XKR6: variants seen among roughly 807,000 people sequenced by gnomAD.
XKR6 encodes XK-related protein 6.
Under a neutral mutation model 56.7 loss-of-function variants are expected in XKR6, and 22 were observed. The observed-to-expected ratio is 0.39, with a 90% CI of 0.28 to 0.55. The LOEUF is 0.55. Ranked by LOEUF, XKR6 falls within the 20% of genes least tolerant of loss-of-function variation. The probability of loss-of-function intolerance (pLI) is 0.66; values close to 1 mark genes in which losing one functional copy is unlikely to be tolerated. For missense variants in XKR6, 852 were observed against 889.0 expected (o/e 0.96, Z 0.53); for synonymous variants, 524 against 387.8 (o/e 1.35, Z -4.13).
intron 1 of XKR6, chr8:11,124,188 G>GA (rs1199196228): frequency 8.4e-6 from 3 of 355,710 alleles, no homozygotes; most frequent in African/African-American, 6.4e-5. Context: ...ATTTGAGGGA[G>GA]AAAAAAGCCA....
intron 2 of XKR6, among the ~76,000 whole-genome samples, chr8:10,915,066 A>G (rs1035859583): frequency 1.3e-5 from 2 of 152,230 alleles, no homozygotes; most frequent in South Asian, 2.1e-4. Context: ...TATTCGCTGC[A>G]CATGGCTCTG....
intron 1 of XKR6, among the ~76,000 whole-genome samples, chr8:11,074,286 G>T (rs997935390): frequency 2.6e-5 from 4 of 152,152 alleles, no homozygotes; most frequent in African/African-American, 7.2e-5. Flanking sequence ...CCGTTTCCCG[G>T]CCTTGGGTCT....
chr8:11,168,433 G>A (rs752134107), intron 1 of XKR6, among the ~76,000 whole-genome samples: 2 of 152,136 alleles, frequency 1.3e-5, no homozygotes, highest in African/African-American at 2.4e-5. Flanking sequence ...GTGAGACGTA[G>A]AAAGCTCTAG....
chr8:11,182,910 C>T (rs1005502973), intron 1 of XKR6, among the ~76,000 whole-genome samples: 1 of 152,186 alleles, frequency 6.6e-6, no homozygotes, highest in Non-Finnish European at 1.5e-5. Flanking sequence ...CCCCTTTCTA[C>T]TATGTCTCTA....
intron 1 of XKR6, among the ~76,000 whole-genome samples, chr8:11,095,507 C>G (rs1255712730): frequency 6.6e-6 from 1 of 152,194 alleles, no homozygotes; most frequent in Non-Finnish European, 1.5e-5. Context: ...TGCAATTTTG[C>G]AGGGGCTCCC....
At chr8:10,914,344 G>C (rs1471565725) in intron 2 of XKR6, among the ~76,000 whole-genome samples, 1 of 152,088 alleles carries the variant, frequency 6.6e-6, no homozygotes, top group African/African-American at 2.4e-5. Context: ...AGTAGTGAGA[G>C]GGACATAAAC....
At chr8:11,191,178 C>A (rs1404440771) in intron 1 of XKR6, among the ~76,000 whole-genome samples, 1 of 152,166 alleles carries the variant, frequency 6.6e-6, no homozygotes, top group Non-Finnish European at 1.5e-5. Flanking sequence ...AACTCAGCTC[C>A]TAGTTCTATT....
chr8:11,133,727 C>T (rs1264545736), intron 1 of XKR6, among the ~76,000 whole-genome samples: 1 of 152,026 alleles, frequency 6.6e-6, no homozygotes, highest in Admixed American at 6.6e-5. Flanking sequence ...CCTCCATGTC[C>T]TCAATAGCCT....
At position 11,093,330 on chromosome 8, in the gene XKR6, C is replaced by T. The variant is rs372717641; in HGVS notation, c.764+107246G>A. 3.3e-5 allele frequency among the ~76,000 whole-genome samples: 5 copies of T among 152,350 alleles called. No homozygotes were observed. The East Asian group carries it at 5.8e-4, about 18-fold the overall frequency. Reference sequence around the variant, plus strand: ...TCGGCCTCCCAAAGTGCTGAGATTTCAGGAGTGAGCCACCACGCCCAGATC... The same window carrying T: ...TCGGCCTCCCAAAGTGCTGAGATTTTAGGAGTGAGCCACCACGCCCAGATC... On this transcript the variant is annotated intron_variant, in intron 1 of 2. Coordinates refer to ENST00000416569, the MANE Select transcript of XKR6 (RefSeq NM_173683.4).
At chr8:10,959,198 G>A (rs1394551265) in intron 1 of XKR6, among the ~76,000 whole-genome samples, 2 of 152,120 alleles carry the variant, frequency 1.3e-5, no homozygotes, top group East Asian at 3.9e-4. Flanking sequence ...TCTCTCCAGT[G>A]TCCCTCCCTC....
At chr8:11,128,945 G>A (rs1262039324) in intron 1 of XKR6, 6 of 456,556 alleles carry the variant, frequency 1.3e-5, no homozygotes, top group African/African-American at 4.0e-5. Flanking sequence ...TAATAAAGCA[G>A]CCAGAAAGTC....
chr8:11,177,965 TC>T (rs1233602872), intron 1 of XKR6, among the ~76,000 whole-genome samples: 1 of 152,114 alleles, frequency 6.6e-6, no homozygotes, highest in Non-Finnish European at 1.5e-5. Flanking sequence ...AAGCCTGAAG[TC>T]TGAGGTCCTT....
In XKR6 at chr8:11,201,632, G is replaced by T. The variant is rs547796321; in HGVS notation, c.-293C>A. On this transcript the variant is annotated 5_prime_UTR_variant, in exon 1 of 3. Transcript: ENST00000416569. ...CTCAGCTGCTGGGCGGGGGACCGGG[G>T]GGTTCTCCCCGCCAGGGCTCCCCTT... is the stretch of plus-strand genomic sequence containing the variant. Among the ~76,000 whole-genome samples the T allele has an allele frequency of 1.3e-5, 2 of 152,210 alleles. No individual in the cohort carries two copies. Among genetic ancestry groups the T allele is most frequent in the East Asian group, 3.9e-4 (2 of 5,150 alleles).
chr8:11,157,020 C>T (rs1563181240), intron 1 of XKR6, among the ~76,000 whole-genome samples: 3 of 152,326 alleles, frequency 2.0e-5, no homozygotes, highest in South Asian at 4.1e-4. Context: ...ATCACACATG[C>T]TCTAATTTGA....
intron 1 of XKR6, among the ~76,000 whole-genome samples, chr8:10,972,717 T>A (rs1185624703): frequency 6.6e-6 from 1 of 152,108 alleles, no homozygotes; most frequent in East Asian, 1.9e-4. Flanking sequence ...AAGTGGGGAC[T>A]GGGGAGTCAT....
At chr8:11,145,642 G>A (rs1477444463) in intron 1 of XKR6, among the ~76,000 whole-genome samples, 1 of 152,134 alleles carries the variant, frequency 6.6e-6, no homozygotes, top group Non-Finnish European at 1.5e-5. Flanking sequence ...AGAGAAATCT[G>A]ACAAAAGGTG....
Position 10,955,287 on chromosome 8 carries a change from C to G in XKR6, c.765-30457G>C, listed in dbSNP as rs113808016. ...TCCCAGGCTCAAGAAATCCTCCCAC[C>G]TCAGCCTCCTGAATAAGTGGGATTA... On this transcript the variant is annotated intron_variant, in intron 1 of 2. Transcript: ENST00000416569. 4.4e-3 allele frequency among the ~76,000 whole-genome samples: 677 copies of G among 152,318 alleles called. 3 individuals carry two copies. The highest frequency in any genetic ancestry group is 0.016 in the South Asian group (76 of 4,830).
In XKR6 at chr8:11,035,451, T is replaced by C. The variant is rs1274029982; in HGVS notation, c.765-110621A>G. 6.7e-6 allele frequency: 3 copies of C among 449,440 alleles called. No individual in the cohort carries two copies. In the East Asian group the frequency reaches 1.8e-4, roughly 26 times the overall value. 27.8% of individuals were successfully genotyped at this position (449,440 alleles called of 1,614,324 possible). On this transcript the variant is annotated intron_variant, in intron 1 of 2. Transcript: ENST00000416569. ...GCCAAATCTCTGCACCCAAACAGGA[T>C]CCAAGAAGTGGGGTAATCTGGGACT...
intron 1 of XKR6, among the ~76,000 whole-genome samples, chr8:11,050,392 G>C (rs540391376): frequency 6.6e-6 from 1 of 152,066 alleles, no homozygotes; most frequent in East Asian, 1.9e-4. Context: ...TAAGGGGATG[G>C]GCCTGGATGA....
Sources: allele counts gnomAD v4.1 joint callset (sites outside exome capture counted in the v4.1 genomes callset), GRCh38; gene constraint gnomAD v4.1.1; transcripts MANE v1.5; gene names NCBI Gene and HGNC (gene_info 2026-07-23, HGNC 2026-07-21).